The following RAB30 variants were observed in gnomAD, a reference collection of about 807,000 sequenced individuals.
RAB30 encodes RAB30, member RAS oncogene family.
RAB30 carries 9 observed loss-of-function variants against 25.1 expected under a neutral mutation model. The observed-to-expected ratio is 0.36, with a 90% CI of 0.22 to 0.63. The LOEUF (loss-of-function observed/expected upper bound fraction) is 0.63, where lower values mean the gene tolerates loss of function less well. RAB30 is among the 20% of genes least tolerant of loss of function. The pLI is 0.69. For missense variants in RAB30, 140 were observed against 243.5 expected (o/e 0.58, Z 2.83); for synonymous variants, 77 against 86.4 (o/e 0.89, Z 0.60).
At chr11:83,037,906 G>A (rs1188059909) in intron 1 of RAB30, among the ~76,000 whole-genome samples, 1 of 152,130 alleles carries the variant, frequency 6.6e-6, no homozygotes, top group Admixed American at 6.5e-5. Flanking sequence ...GGCCATCACT[G>A]CCAAACTGGG....
chr11:83,018,204 C>T (rs1857482288), intron 1 of RAB30, among the ~76,000 whole-genome samples: 1 of 148,618 alleles, frequency 6.7e-6, no homozygotes, highest in Admixed American at 6.9e-5. Context: ...GAGGCTGAGG[C>T]AGGAGAATCA....
chr11:83,053,321 T>C (rs1565290357), intron 1 of RAB30, among the ~76,000 whole-genome samples: 2 of 152,168 alleles, frequency 1.3e-5, no homozygotes, highest in Non-Finnish European at 2.9e-5. Flanking sequence ...GAGGATCAAA[T>C]AAAATTATAA....
chr11:82,987,869 C>T, intron 3 of RAB30, 99 bp from the exon 4 acceptor site: 1 of 309,106 alleles, frequency 3.2e-6, no homozygotes. Flanking sequence ...AATGGGTACA[C>T]CTTTACCCAA....
chr11:82,991,589 G>T (rs1490575207), intron 3 of RAB30, among the ~76,000 whole-genome samples: 1 of 146,560 alleles, frequency 6.8e-6, no homozygotes, highest in African/African-American at 2.5e-5. Context: ...TAAAGAAGTT[G>T]TTCCTCATAT....
At chr11:83,037,401 C>T (rs1013317731) in intron 1 of RAB30, among the ~76,000 whole-genome samples, 11 of 151,902 alleles carry the variant, frequency 7.2e-5, no homozygotes, top group African/African-American at 2.7e-4. Flanking sequence ...AGGCGCCCAC[C>T]ACCATGCCTG....
intron 1 of RAB30, among the ~76,000 whole-genome samples, chr11:83,028,513 T>G (rs561815880): frequency 1.3e-5 from 2 of 152,058 alleles, no homozygotes; most frequent in South Asian, 4.2e-4. Context: ...TTCAGAAAAC[T>G]GCAGACAAAG....
intron 3 of RAB30, among the ~76,000 whole-genome samples, chr11:82,990,573 C>T (rs1418486898): frequency 6.6e-6 from 1 of 152,190 alleles, no homozygotes; most frequent in Non-Finnish European, 1.5e-5. Context: ...GAAACAAATA[C>T]ATATAAATAC....
At chr11:83,010,441 T>C (rs1464874538) in intron 1 of RAB30, among the ~76,000 whole-genome samples, 4 of 152,136 alleles carry the variant, frequency 2.6e-5, no homozygotes, top group Non-Finnish European at 5.9e-5. Context: ...AAATCCTGTC[T>C]CTAAAAAACA....
At position 83,013,041 on chromosome 11, in the gene RAB30, CAG is replaced by C. The variant is rs373804181; in HGVS notation, c.-8-15719_-8-15718del. ...TACTTTGTGCCTCCTCTATGTTCTGCAGAGTTTCTCCATAGACACTTTTTTTT... is the reference window on the plus strand; with the variant it reads ...TACTTTGTGCCTCCTCTATGTTCTGCAGTTTCTCCATAGACACTTTTTTTT... On this transcript the variant is annotated intron_variant, in intron 1 of 4. Coordinates refer to ENST00000527633, the MANE Select transcript of RAB30 (RefSeq NM_001286060.2). Among the ~76,000 whole-genome samples, 290 of 152,242 alleles carry C rather than the reference CAG, an allele frequency of 1.9e-3. 1 individual carries two copies. Among genetic ancestry groups the C allele is most frequent in the African/African-American group, 6.6e-3 (275 of 41,542 alleles).
Position 82,997,241 on chromosome 11 carries a change from C to A in RAB30, c.76G>T (p.Val26Phe). 1.2e-6 allele frequency: 2 copies of A among 1,610,982 alleles called. No homozygotes were observed. Among genetic ancestry groups the A allele is most frequent in the Non-Finnish European group, 1.7e-6 (2 of 1,177,170 alleles). ...TCCCTTACCTGAGTGAATCTTCGGA[C>A]GAGGCACGTCTTCCCCACACCAGCG... ...GNAGVGKTCL[V>F]RRFTQGLFPP... is the part of the protein sequence containing the mutation. The change falls in exon 2 of 5, where the codon GTC (valine) becomes TTC (phenylalanine). Residue 26 changes from valine (V) to phenylalanine (F), a missense_variant. Coordinates refer to ENST00000527633, the MANE Select transcript of RAB30 (RefSeq NM_001286060.2).
chr11:83,065,025 A>G (rs1334567272), intron 1 of RAB30, among the ~76,000 whole-genome samples: 1 of 152,072 alleles, frequency 6.6e-6, no homozygotes, highest in Non-Finnish European at 1.5e-5. Flanking sequence ...ATTTTTGAAG[A>G]TCATAAGCCA....
At chr11:83,018,153 G>A (rs1857480418) in intron 1 of RAB30, among the ~76,000 whole-genome samples, 1 of 152,016 alleles carries the variant, frequency 6.6e-6, no homozygotes, top group Admixed American at 6.5e-5. Context: ...ACAAAAATTA[G>A]CTGGGCATGG....
At chr11:82,997,432 G>C in intron 1 of RAB30, 108 bp from the exon 2 acceptor site, 1 of 779,126 alleles carries the variant, frequency 1.3e-6, no homozygotes, top group Non-Finnish European at 2.1e-6. Context: ...CTCATTTAAA[G>C]AGCAATTTAA....
intron 1 of RAB30, among the ~76,000 whole-genome samples, chr11:83,071,059 G>T (rs1056141161): frequency 6.6e-6 from 1 of 152,256 alleles, no homozygotes; most frequent in Admixed American, 6.5e-5. Context: ...GCTTCCAGCA[G>T]CCTGAAAGAA....
intron 1 of RAB30, among the ~76,000 whole-genome samples, chr11:83,037,157 A>G (rs982384038): frequency 2.0e-5 from 3 of 152,212 alleles, no homozygotes; most frequent in African/African-American, 7.2e-5. Context: ...TGGGAATAAC[A>G]AAGAAAATAC....
intron 1 of RAB30, among the ~76,000 whole-genome samples, chr11:83,069,693 G>A (rs1386072521): frequency 6.6e-6 from 1 of 152,230 alleles, no homozygotes; most frequent in Non-Finnish European, 1.5e-5. Context: ...TGGGAATTAT[G>A]AGAACATTTC....
intron 1 of RAB30, among the ~76,000 whole-genome samples, chr11:83,062,177 T>C (rs926646481): frequency 2.0e-5 from 3 of 151,968 alleles, no homozygotes; most frequent in Admixed American, 6.5e-5. Flanking sequence ...TTTTTCAGAG[T>C]GGGAGGGGAG....
chr11:83,027,160 C>T (rs930840071), intron 1 of RAB30, among the ~76,000 whole-genome samples: 19 of 151,998 alleles, frequency 1.3e-4, no homozygotes, highest in Admixed American at 8.5e-4. Flanking sequence ...AAGGGGATTG[C>T]GGGATACAAA....
chr11:83,067,458 C>T (rs1858727391), intron 1 of RAB30, among the ~76,000 whole-genome samples: 1 of 152,164 alleles, frequency 6.6e-6, no homozygotes, highest in Non-Finnish European at 1.5e-5. Flanking sequence ...CATCATGCCA[C>T]ATCCTACACA....
Sources: allele counts gnomAD v4.1 joint callset (sites outside exome capture counted in the v4.1 genomes callset), GRCh38; gene constraint gnomAD v4.1.1; transcripts MANE v1.5; gene names NCBI Gene and HGNC (gene_info 2026-07-23, HGNC 2026-07-21).